Variants in NOL4 observed in about 807,000 individuals in gnomAD.
The protein encoded by NOL4 is nucleolar protein 4.
A neutral mutation model predicts 75.9 loss-of-function variants in NOL4; 17 were observed. The observed-to-expected ratio is 0.22, with a 90% CI of 0.15 to 0.34. The LOEUF is 0.34. Ranked by LOEUF, NOL4 falls within the 10% of genes least tolerant of loss-of-function variation. NOL4 has a pLI of 1.00. For synonymous variants in NOL4, 292 were observed against 289.9 expected (o/e 1.01, Z -0.07); for missense variants, 614 against 793.5 (o/e 0.77, Z 2.72).
At chr18:34,222,079 G>T (rs1171077419) in intron 1 of NOL4, 1 of 1,535,250 alleles carries the variant, frequency 6.5e-7, no homozygotes, top group Non-Finnish European at 8.7e-7. Flanking sequence ...GTAGCCCACA[G>T]TTCCCATCTT....
intron 2 of NOL4, among the ~76,000 whole-genome samples, chr18:34,107,422 C>T (rs1600613428): frequency 6.6e-6 from 1 of 151,962 alleles, no homozygotes; most frequent in East Asian, 1.9e-4. Context: ...TAACATAGTA[C>T]TTGCCATGTC....
chr18:33,959,996 A>C (rs775672283), intron 6 of NOL4, among the ~76,000 whole-genome samples: 21 of 151,914 alleles, frequency 1.4e-4, no homozygotes, highest in Non-Finnish European at 2.7e-4. Context: ...AGAACATAAA[A>C]TATGCATTGG....
intron 4 of NOL4, among the ~76,000 whole-genome samples, chr18:34,098,309 T>C (rs1016027700): frequency 6.6e-5 from 10 of 152,082 alleles, no homozygotes; most frequent in African/African-American, 1.7e-4. Flanking sequence ...TGCCATACAA[T>C]AAAGCTGTCA....
At chr18:34,203,239 T>C (rs1413777804) in intron 1 of NOL4, among the ~76,000 whole-genome samples, 1 of 151,972 alleles carries the variant, frequency 6.6e-6, no homozygotes, top group African/African-American at 2.4e-5. Flanking sequence ...ATTTTAGAAA[T>C]GTAGTACAGA....
chr18:34,069,965 T>G (rs1463945917), intron 5 of NOL4, among the ~76,000 whole-genome samples: 1 of 152,252 alleles, frequency 6.6e-6, no homozygotes, highest in Non-Finnish European at 1.5e-5. Context: ...CAGTTCTAGG[T>G]AGCCCACCTC....
At chr18:34,159,044 C>G (rs995344300) in intron 1 of NOL4, among the ~76,000 whole-genome samples, 16 of 152,320 alleles carry the variant, frequency 1.1e-4, no homozygotes, top group South Asian at 2.1e-4. Flanking sequence ...GGAAGAGATG[C>G]TGGGGCAAAA....
At chr18:34,188,178 T>A (rs2034637544) in intron 1 of NOL4, among the ~76,000 whole-genome samples, 1 of 152,184 alleles carries the variant, frequency 6.6e-6, no homozygotes, top group Non-Finnish European at 1.5e-5. Context: ...ATTAACTGAA[T>A]ACAGTATAAT....
chr18:34,054,798 A>G (rs2076766710), intron 5 of NOL4, among the ~76,000 whole-genome samples: 1 of 151,374 alleles, frequency 6.6e-6, no homozygotes, highest in Non-Finnish European at 1.5e-5. Flanking sequence ...TTCCTCTCTT[A>G]CTGCTTTTCT....
intron 1 of NOL4, among the ~76,000 whole-genome samples, chr18:34,203,298 G>A (rs11081851): frequency 0.48 from 73,227 of 151,662 alleles, 18,547 homozygotes; most frequent in South Asian, 0.58. Context: ...ACAGGAAAGA[G>A]GTGGATGTGA....
At chr18:33,885,148 G>A (rs2064558003) in intron 9 of NOL4, among the ~76,000 whole-genome samples, 1 of 148,196 alleles carries the variant, frequency 6.7e-6, no homozygotes, top group Non-Finnish European at 1.5e-5. Flanking sequence ...TATTTTCCAA[G>A]CATTACTTTT....
intron 8 of NOL4, 93 bp downstream of exon 8, chr18:33,957,233 A>T (rs973465472): frequency 1.0e-5 from 11 of 1,073,392 alleles, no homozygotes; most frequent in Middle Eastern, 4.4e-4. Context: ...GGAAAAAAAT[A>T]AAAAAAGACA....
chr18:33,906,581 C>T (rs1015809397), intron 9 of NOL4, among the ~76,000 whole-genome samples: 2 of 152,188 alleles, frequency 1.3e-5, no homozygotes, highest in East Asian at 1.9e-4. Context: ...GGAAGTTTCT[C>T]ATAATTAATG....
chr18:34,060,575 G>A (rs2077030018), intron 5 of NOL4, among the ~76,000 whole-genome samples: 1 of 152,162 alleles, frequency 6.6e-6, no homozygotes, highest in Non-Finnish European at 1.5e-5. Context: ...GTTTCAGGAG[G>A]ACAAAGAAAG....
chr18:34,144,609 T>C (rs985204273), intron 1 of NOL4, among the ~76,000 whole-genome samples: 5 of 152,132 alleles, frequency 3.3e-5, no homozygotes, highest in African/African-American at 7.2e-5. Flanking sequence ...TGTTGTATTA[T>C]ATTAACACAC....
chr18:34,110,588 T>C (rs1568354689), intron 2 of NOL4, among the ~76,000 whole-genome samples: 1 of 152,146 alleles, frequency 6.6e-6, no homozygotes, highest in Non-Finnish European at 1.5e-5. Flanking sequence ...TATTCAGTGG[T>C]GAGAAAATGA....
At position 34,109,570 on chromosome 18, in the gene NOL4, A is replaced by G. The variant is rs533083542; in HGVS notation, c.415-4410T>C. ...AATGAATTAATTTTTAAAAGAAGAA[A>G]AAAAGATCTCAAATAACCTAGCTTT... On this transcript the variant is annotated intron_variant, in intron 2 of 10. Transcript: ENST00000261592. Among the ~76,000 whole-genome samples the G allele has an allele frequency of 3.0e-3, 450 of 152,158 alleles. 2 individuals carry two copies. The highest frequency in any genetic ancestry group is 3.8e-3 in the Non-Finnish European group (260 of 68,006).
In NOL4 at chr18:34,139,371, T is replaced by C. The variant is rs1255685633; in HGVS notation, c.265-9351A>G. On this transcript the variant is annotated intron_variant, in intron 1 of 10. Transcript: ENST00000261592. ...AATTTCAGAGCCTGTTCTTGGTCTA[T>C]TCAGAGATTCAACTTCTTCCTGGTT... is the stretch of plus-strand genomic sequence containing the variant. 2.0e-5 allele frequency among the ~76,000 whole-genome samples: 3 copies of C among 152,222 alleles called. No individual in the cohort carries two copies. The East Asian group carries it at 5.8e-4, about 29-fold the overall frequency.
At chr18:34,134,357 A>C (rs2080794959) in intron 1 of NOL4, among the ~76,000 whole-genome samples, 1 of 151,926 alleles carries the variant, frequency 6.6e-6, no homozygotes, top group South Asian at 2.1e-4. Context: ...TAATTAAAAA[A>C]GAGACTCATT....
At chr18:33,884,951 A>C (rs1025892347) in intron 9 of NOL4, among the ~76,000 whole-genome samples, 1 of 152,006 alleles carries the variant, frequency 6.6e-6, no homozygotes, top group Non-Finnish European at 1.5e-5. Flanking sequence ...GACCCATTCA[A>C]CTCTGACCAT....
Sources: allele counts gnomAD v4.1 joint callset (sites outside exome capture counted in the v4.1 genomes callset), GRCh38; gene constraint gnomAD v4.1.1; transcripts MANE v1.5; gene names NCBI Gene and HGNC (gene_info 2026-07-23, HGNC 2026-07-21).